Variants in GNA13 observed in about 807,000 individuals in gnomAD.
GNA13 encodes G protein subunit alpha 13, also known as guanine nucleotide-binding protein subunit alpha-13.
Under a neutral mutation model 33.5 loss-of-function variants are expected in GNA13, and 4 were observed. The ratio of observed to expected loss-of-function variants is 0.12; its 90% CI spans 0.06 to 0.27. The LOEUF (loss-of-function observed/expected upper bound fraction) is 0.27, where lower values mean the gene tolerates loss of function less well. Ranked by LOEUF, GNA13 falls within the 10% of genes least tolerant of loss-of-function variation. The probability of loss-of-function intolerance (pLI) is 1.00; values close to 1 mark genes in which losing one functional copy is unlikely to be tolerated. For missense variants in GNA13, 319 were observed against 487.2 expected, an observed-to-expected ratio of 0.65 and a Z score of 3.25; for synonymous variants, 176 against 183.8, an observed-to-expected ratio of 0.96 and a Z score of 0.34.
At chr17:65,054,244 T>A (rs1907955513) in intron 1 of GNA13, among the ~76,000 whole-genome samples, 1 of 152,214 alleles carries the variant, frequency 6.6e-6, no homozygotes, top group East Asian at 1.9e-4. Flanking sequence ...ATTTAAAAAC[T>A]TCTTCCAGCC....
intron 2 of GNA13, among the ~76,000 whole-genome samples, chr17:65,049,094 A>C (rs1907771100): frequency 6.6e-6 from 1 of 152,182 alleles, no homozygotes; most frequent in South Asian, 2.1e-4. Flanking sequence ...GTAGAATTAA[A>C]TTATATTACA....
At position 65,031,236 on chromosome 17, in the gene GNA13, GTATT is replaced by G. The variant is rs370437681; in HGVS notation, c.511-12937_511-12934del. ...GTAGGCAGCTGTAATACAATGGTAA[GTATT>G]CGTGTATCTAAACATAGGAAAGGTA... On this transcript the variant is annotated intron_variant, in intron 2 of 3. Coordinates refer to ENST00000439174, the MANE Select transcript of GNA13 (RefSeq NM_006572.6). 3.9e-5 allele frequency among the ~76,000 whole-genome samples: 6 copies of G among 152,276 alleles called. 1 individual carries two copies. The highest frequency in any genetic ancestry group is 1.4e-4 in the African/African-American group (6 of 41,572).
At chr17:65,055,595 G>T in intron 1 of GNA13, 1 of 985,162 alleles carries the variant, frequency 1.0e-6, no homozygotes, top group Non-Finnish European at 1.2e-6. Context: ...CATCCTACCT[G>T]ACCGTGACAC....
intron 3 of GNA13, among the ~76,000 whole-genome samples, chr17:65,016,161 A>G (rs551808232): frequency 1.3e-5 from 2 of 152,288 alleles, no homozygotes; most frequent in Non-Finnish European, 2.9e-5. Context: ...CTACAACACA[A>G]CTTTCTGGTA....
chr17:65,046,555 G>A (rs1300003728), intron 2 of GNA13, among the ~76,000 whole-genome samples: 1 of 152,210 alleles, frequency 6.6e-6, no homozygotes, highest in Non-Finnish European at 1.5e-5. Context: ...TTAATTTTCT[G>A]AAGAAAGAAA....
At chr17:65,033,409 C>T (rs1598489337) in intron 2 of GNA13, among the ~76,000 whole-genome samples, 1 of 151,762 alleles carries the variant, frequency 6.6e-6, no homozygotes. Context: ...ATTGCCTGAG[C>T]CCAGATGTGC....
At chr17:65,052,570 T>C (rs1480282964) in intron 2 of GNA13, among the ~76,000 whole-genome samples, 1 of 152,256 alleles carries the variant, frequency 6.6e-6, no homozygotes, top group East Asian at 1.9e-4. Flanking sequence ...GGAATCTTTC[T>C]GATCTTTGGC....
intron 2 of GNA13, among the ~76,000 whole-genome samples, chr17:65,035,521 T>C (rs935217094): frequency 6.6e-6 from 1 of 152,180 alleles, no homozygotes; most frequent in Non-Finnish European, 1.5e-5. Flanking sequence ...TATTTTACAA[T>C]GAACCATGTA....
rs78170638 is a variant in GNA13, at chr17:65,013,440, T to C, written c.*817A>G. 827 of 211,872 alleles carry C rather than the reference T, an allele frequency of 3.9e-3. 3 individuals carry two copies. Among genetic ancestry groups the C allele is most frequent in the African/African-American group, 0.018 (796 of 44,286 alleles). The allele number at this position is 211,872 out of a possible 1,614,324, so 13.1% of individuals were successfully genotyped here. On this transcript the variant is annotated 3_prime_UTR_variant, in exon 4 of 4. Coordinates refer to ENST00000439174, the MANE Select transcript of GNA13 (RefSeq NM_006572.6). ...TTAGAAAGTTCTGTTACCAAGTTGC[T>C]TGCAGTTTTTAGTTGCTGCTATGGC...
At chr17:65,024,326 C>G (rs1906694759) in intron 2 of GNA13, among the ~76,000 whole-genome samples, 1 of 152,160 alleles carries the variant, frequency 6.6e-6, no homozygotes. Context: ...TGTGTAAAAT[C>G]TCATTACAGA....
intron 1 of GNA13, chr17:65,055,550 A>C (rs1292236366): frequency 1.1e-6 from 1 of 942,502 alleles, no homozygotes; most frequent in East Asian, 1.2e-4. Flanking sequence ...AGCGAAAAGG[A>C]GAGTGGAACG....
chr17:65,046,875 G>A (rs977351757), intron 2 of GNA13, among the ~76,000 whole-genome samples: 1 of 152,108 alleles, frequency 6.6e-6, no homozygotes, highest in South Asian at 2.1e-4. Context: ...AATATAGAAA[G>A]CAGCACAGTA....
At chr17:65,022,872 G>A (rs1403890805) in intron 2 of GNA13, among the ~76,000 whole-genome samples, 2 of 152,248 alleles carry the variant, frequency 1.3e-5, no homozygotes, top group Non-Finnish European at 2.9e-5. Context: ...TAGCCTTTCA[G>A]TGAGAGCAGC....
intron 2 of GNA13, among the ~76,000 whole-genome samples, chr17:65,029,457 T>C (rs1336550576): frequency 6.6e-6 from 1 of 152,220 alleles, no homozygotes; most frequent in Non-Finnish European, 1.5e-5. Flanking sequence ...ATTTTACAGA[T>C]GAGAAGCCTA....
intron 2 of GNA13, among the ~76,000 whole-genome samples, chr17:65,026,718 G>A (rs1016193544): frequency 2.0e-5 from 3 of 152,170 alleles, no homozygotes; most frequent in Non-Finnish European, 2.9e-5. Context: ...TCATCAAAAT[G>A]TAACAGTGGT....
intron 2 of GNA13, 66 bp from the exon 3 acceptor site, chr17:65,018,369 TAC>T (rs1376336455): frequency 2.4e-6 from 2 of 839,878 alleles, no homozygotes; most frequent in African/African-American, 3.3e-5. Flanking sequence ...TACAACAGTT[TAC>T]ATCATACTGT....
At chr17:65,020,965 A>C (rs549780454) in intron 2 of GNA13, among the ~76,000 whole-genome samples, 1 of 152,300 alleles carries the variant, frequency 6.6e-6, no homozygotes, top group South Asian at 2.1e-4. Flanking sequence ...AATTTTAAAA[A>C]TAAAATTTCA....
chr17:65,025,909 C>T lies in GNA13; in HGVS notation c.511-7606G>A, dbSNP rs1320676075. On this transcript the variant is annotated intron_variant, in intron 2 of 3. Transcript: ENST00000439174. Reference sequence around the variant, plus strand: ...GCTGAGGTGGGAGGATCACTTGAGCCTAGGAGTTCAAGACTGCAGTGAGCC... The same window carrying T: ...GCTGAGGTGGGAGGATCACTTGAGCTTAGGAGTTCAAGACTGCAGTGAGCC... Among the ~76,000 whole-genome samples, 3 of 151,900 alleles carry T rather than the reference C, an allele frequency of 2.0e-5. No individual in the cohort carries two copies. In the East Asian group the frequency reaches 5.8e-4, roughly 29 times the overall value.
chr17:65,018,132 A>AAAGAG, intron 3 of GNA13, 121 bp downstream of exon 3: 5 of 166,208 alleles, frequency 3.0e-5, no homozygotes, highest in Non-Finnish European at 5.5e-5. Context: ...AAAAAAAAAA[A>AAAGAG]AAAAAAAGAG....
Sources: gnomAD v4.1 joint callset for allele counts (sites outside exome capture counted in the v4.1 genomes callset) on GRCh38, gnomAD v4.1.1 for gene constraint, MANE v1.5 for transcripts, NCBI Gene and HGNC (gene_info 2026-07-23, HGNC 2026-07-21) for gene names.